SLC39A9: variants seen among roughly 807,000 people sequenced by gnomAD.
The protein encoded by SLC39A9 is solute carrier family 39 member 9.
Under a neutral mutation model 28.4 loss-of-function variants are expected in SLC39A9, and 14 were observed. The observed-to-expected ratio is 0.49, with a 90% CI of 0.33 to 0.77. The LOEUF is 0.77. SLC39A9 is among the 30% of genes least tolerant of loss of function. The pLI is 0.02. For missense variants in SLC39A9, 283 were observed against 381.1 expected, an observed-to-expected ratio of 0.74 and a Z score of 2.14; for synonymous variants, 119 against 149.6, an observed-to-expected ratio of 0.80 and a Z score of 1.49.
At chr14:69,434,375 C>T (rs1884645995) in intron 2 of SLC39A9, among the ~76,000 whole-genome samples, 1 of 151,230 alleles carries the variant, frequency 6.6e-6, no homozygotes, top group African/African-American at 2.4e-5. Context: ...TGAGCCACCA[C>T]ACCTGGCCTA....
intron 2 of SLC39A9, among the ~76,000 whole-genome samples, chr14:69,436,173 G>A (rs536759559): frequency 6.6e-6 from 1 of 152,062 alleles, no homozygotes; most frequent in South Asian, 2.1e-4. Context: ...AAGCTCAGGT[G>A]GGGGAGGATC....
At chr14:69,449,593 TC>T (rs1246472988) in intron 3 of SLC39A9, among the ~76,000 whole-genome samples, 2 of 152,038 alleles carry the variant, frequency 1.3e-5, no homozygotes, top group East Asian at 3.9e-4. Flanking sequence ...CTACTGTACT[TC>T]AGCCTGAGTG....
At chr14:69,441,400 T>C (rs1885043601) in intron 2 of SLC39A9, among the ~76,000 whole-genome samples, 1 of 152,230 alleles carries the variant, frequency 6.6e-6, no homozygotes, top group South Asian at 2.1e-4. Context: ...GAAGCATTTA[T>C]GTTTTAAATG....
chr14:69,437,799 G>A (rs1358942140), intron 2 of SLC39A9, among the ~76,000 whole-genome samples: 11 of 151,794 alleles, frequency 7.2e-5, no homozygotes, highest in Non-Finnish European at 1.5e-4. Flanking sequence ...TCTTGGCCAG[G>A]CTGGTCTTGA....
At chr14:69,450,729 G>A (rs963234586) in intron 3 of SLC39A9, among the ~76,000 whole-genome samples, 4 of 152,136 alleles carry the variant, frequency 2.6e-5, no homozygotes, top group Admixed American at 1.3e-4. Flanking sequence ...AGCTGTGATC[G>A]CACCACTTCA....
chr14:69,406,848 G>GTTTTTTTTTTTTTTT (rs398025544), intron 1 of SLC39A9, among the ~76,000 whole-genome samples: 4 of 95,892 alleles, frequency 4.2e-5, no homozygotes, highest in South Asian at 3.9e-4. Flanking sequence ...GAAATTCTTT[G>GTTTTTTTTTTTTTTT]TTTTTTTTTT....
chr14:69,458,500 C>G lies in SLC39A9; in HGVS notation c.831C>G (p.Ala277=), dbSNP rs1885972091. The G allele has an allele frequency of 6.2e-7, 1 of 1,614,266 alleles. No homozygotes were observed. The highest frequency in any genetic ancestry group is 1.3e-5 in the African/African-American group (1 of 75,072). ...TAGGGCACAGCCACAAGCCCGATGC[C>G]ACGGGAGGGAGAGGCCTCAGCCGCC... ...GGIGHSHKPD[A]TGGRGLSRLE... is the part of the protein sequence containing the mutation. The change falls in exon 7 of 7, where the codon GCC becomes GCG. Residue 277 remains alanine (A), a synonymous_variant. Transcript: ENST00000336643.
chr14:69,460,213 T>C lies in SLC39A9; in HGVS notation c.*1620T>C, dbSNP rs1052057546. The C allele has an allele frequency of 8.1e-6, 8 of 985,888 alleles. No homozygotes were observed. In the African/African-American group the frequency reaches 1.4e-4, roughly 17 times the overall value. 61.1% of individuals were successfully genotyped at this position (985,888 alleles called of 1,614,324 possible). A position where few individuals can be genotyped will look rare whatever the true frequency, so the allele number is the denominator to read the frequency against. On this transcript the variant is annotated 3_prime_UTR_variant, in exon 7 of 7. Transcript: ENST00000336643. The stretch of plus-strand genomic sequence containing the variant: ...GGACGTAGTAGTTTGTAAAAACGTT[T>C]TCTATGACGCATAAGCTAGCATGCC...
rs2139463708 is a variant in SLC39A9 at position 69,459,425 on chromosome 14, A to G, written c.*832A>G. On this transcript the variant is annotated 3_prime_UTR_variant, in exon 7 of 7. Coordinates refer to ENST00000336643, the MANE Select transcript of SLC39A9 (RefSeq NM_018375.5). The stretch of plus-strand genomic sequence containing the variant: ...TTCAGTTCTAGGCTTTCCTTCAAGA[A>G]CAGTCAGATCACAAAGTGTCTTTGG... 1.0e-6 allele frequency: 1 copy of G among 985,452 alleles called. No homozygotes were observed. Among genetic ancestry groups the G allele is most frequent in the South Asian group, 4.7e-5 (1 of 21,280 alleles). The allele number at this position is 985,452 out of a possible 1,614,324, so 61.0% of individuals were successfully genotyped here. A position where few individuals can be genotyped will look rare whatever the true frequency, so the allele number is the denominator to read the frequency against.
intron 2 of SLC39A9, among the ~76,000 whole-genome samples, chr14:69,427,176 G>T (rs1156559088): frequency 6.6e-6 from 1 of 151,704 alleles, no homozygotes; most frequent in Non-Finnish European, 1.5e-5. Context: ...CTAATTTTCA[G>T]ATTTTTTTAT....
intron 3 of SLC39A9, among the ~76,000 whole-genome samples, chr14:69,447,849 G>A (rs1032194206): frequency 2.0e-5 from 3 of 150,556 alleles, no homozygotes; most frequent in Non-Finnish European, 4.4e-5. Flanking sequence ...GGACAGGGAG[G>A]TTACAGTGAG....
At chr14:69,437,483 G>A (rs932930570) in intron 2 of SLC39A9, among the ~76,000 whole-genome samples, 4 of 152,056 alleles carry the variant, frequency 2.6e-5, no homozygotes, top group Non-Finnish European at 5.9e-5. Context: ...GTAATCAGTG[G>A]GTGATTGACG....
chr14:69,455,503 A>G (rs1407043723), intron 5 of SLC39A9, among the ~76,000 whole-genome samples: 1 of 152,068 alleles, frequency 6.6e-6, no homozygotes, highest in Non-Finnish European at 1.5e-5. Flanking sequence ...TATTTTTAGT[A>G]GAGACGGGGT....
intron 2 of SLC39A9, among the ~76,000 whole-genome samples, chr14:69,436,948 A>G (rs1240006884): frequency 1.3e-5 from 2 of 151,990 alleles, no homozygotes; most frequent in African/African-American, 4.8e-5. Flanking sequence ...ATCCCTTGCT[A>G]GCTCCGCCTC....
At chr14:69,407,653 T>G (rs1455663364) in intron 1 of SLC39A9, among the ~76,000 whole-genome samples, 1 of 144,928 alleles carries the variant, frequency 6.9e-6, no homozygotes, top group Non-Finnish European at 1.5e-5. Flanking sequence ...TTTTTTTTAT[T>G]TTGAGACAGA....
intron 3 of SLC39A9, among the ~76,000 whole-genome samples, chr14:69,446,369 G>GAGAAGACTC: frequency 6.6e-6 from 1 of 151,674 alleles, no homozygotes; most frequent in Non-Finnish European, 1.5e-5. Flanking sequence ...GGGCCTTTCA[G>GAGAAGACTC]AGAAGACTCA....
intron 2 of SLC39A9, among the ~76,000 whole-genome samples, chr14:69,430,908 C>A (rs1449323985): frequency 2.0e-5 from 3 of 152,146 alleles, no homozygotes; most frequent in Non-Finnish European, 2.9e-5. Flanking sequence ...GTGTGAGCCA[C>A]CCCAGCCAGC....
chr14:69,429,041 T>C (rs1233096788), intron 2 of SLC39A9: 1 of 152,226 alleles, frequency 6.6e-6, no homozygotes, highest in East Asian at 1.9e-4. Flanking sequence ...GCATCAGCTT[T>C]ATAGTCCTGA....
Position 69,459,477 on chromosome 14 carries a change from G to T in SLC39A9, c.*884G>T, listed in dbSNP as rs1443807305. On this transcript the variant is annotated 3_prime_UTR_variant, in exon 7 of 7. Transcript: ENST00000336643. ...AATTAAGGGATATTAAATTTTAAGTGATTTTTGGATGGTTATTGATATCTT... is the reference window on the plus strand; with the variant it reads ...AATTAAGGGATATTAAATTTTAAGTTATTTTTGGATGGTTATTGATATCTT... The T allele has an allele frequency of 1.0e-6, 1 of 984,772 alleles. No individual in the cohort carries two copies. The highest frequency in any genetic ancestry group is 4.7e-5 in the South Asian group (1 of 21,254). The allele number at this position is 984,772 out of a possible 1,614,324, so 61.0% of individuals were successfully genotyped here.
Sources: allele counts gnomAD v4.1 joint callset (sites outside exome capture counted in the v4.1 genomes callset), GRCh38; gene constraint gnomAD v4.1.1; transcripts MANE v1.5; gene names NCBI Gene and HGNC (gene_info 2026-07-23, HGNC 2026-07-21).